ZRANB3: variants seen among roughly 807,000 people sequenced by gnomAD.
ZRANB3 encodes the protein zinc finger RANBP2-type containing 3.
A neutral mutation model predicts 133.8 loss-of-function variants in ZRANB3; 125 were observed. The ratio of observed to expected loss-of-function variants is 0.93; its 90% confidence interval spans 0.81 to 1.08. ZRANB3 has a LOEUF of 1.08. ZRANB3 is among the 50% of genes least tolerant of loss of function. The pLI is 0.00. For missense variants in ZRANB3, 1,229 were observed against 1,275.5 expected (o/e 0.96, Z 0.56); for synonymous variants, 387 against 432.7 (o/e 0.89, Z 1.31).
chr2:135,291,542 G>C (rs931964846), intron 8 of ZRANB3, among the ~76,000 whole-genome samples: 1 of 150,916 alleles, frequency 6.6e-6, no homozygotes, highest in African/African-American at 2.4e-5. Context: ...TGGAGGCTAT[G>C]TTCATTTTTA....
chr2:135,281,478 G>A (rs1339672295), intron 8 of ZRANB3, among the ~76,000 whole-genome samples: 1 of 151,842 alleles, frequency 6.6e-6, no homozygotes, highest in African/African-American at 2.4e-5. Flanking sequence ...GAGTCTGCTG[G>A]GGGTTTCAAA....
chr2:135,318,008 G>A (rs550063045), intron 6 of ZRANB3, among the ~76,000 whole-genome samples: 1 of 152,216 alleles, frequency 6.6e-6, no homozygotes, highest in South Asian at 2.1e-4. Context: ...GGTGCCACCT[G>A]TAAACCTTTA....
intron 8 of ZRANB3, among the ~76,000 whole-genome samples, chr2:135,294,194 C>CATA (rs1011881858): frequency 3.0e-4 from 46 of 152,248 alleles, no homozygotes; most frequent in African/African-American, 1.1e-3. Context: ...TTGTACCTCT[C>CATA]ATAGAATTTG....
chr2:135,402,296 T>TC (rs1491210581), intron 2 of ZRANB3, among the ~76,000 whole-genome samples: 2 of 83,022 alleles, frequency 2.4e-5, no homozygotes, highest in South Asian at 5.1e-4. Flanking sequence ...TCTTTCTCTC[T>TC]TTTTTTTTTT....
chr2:135,402,448 C>A (rs1239294238), intron 2 of ZRANB3, among the ~76,000 whole-genome samples: 1 of 152,026 alleles, frequency 6.6e-6, no homozygotes, highest in Non-Finnish European at 1.5e-5. Context: ...GAGCCCACCA[C>A]CACGTCCGGC....
At position 135,383,990 on chromosome 2, in the gene ZRANB3, G is replaced by A. The variant is rs190365854; in HGVS notation, c.180+6812C>T. On this transcript the variant is annotated intron_variant, in intron 3 of 20. Coordinates refer to ENST00000264159, the MANE Select transcript of ZRANB3 (RefSeq NM_032143.4). ...CTAGCAGAAGGCAAGAAATAACTAA[G>A]ATCAGAGCAGAACTGAAGGAGGTAG... Among the ~76,000 whole-genome samples, 283 of 152,198 alleles carry A rather than the reference G, an allele frequency of 1.9e-3. 1 individual carries two copies. Among genetic ancestry groups the A allele is most frequent in the Non-Finnish European group, 2.0e-3 (137 of 68,000 alleles).
At chr2:135,328,579 G>A (rs1297158604) in intron 6 of ZRANB3, among the ~76,000 whole-genome samples, 1 of 152,160 alleles carries the variant, frequency 6.6e-6, no homozygotes, top group Non-Finnish European at 1.5e-5. Context: ...TATATATCCA[G>A]AAATGGGATC....
At chr2:135,242,954 A>T (rs1459845528) in intron 12 of ZRANB3, among the ~76,000 whole-genome samples, 6 of 152,046 alleles carry the variant, frequency 3.9e-5, no homozygotes, top group Non-Finnish European at 8.8e-5. Flanking sequence ...TCTTCAGCTC[A>T]TTACATTGTC....
At chr2:135,252,041 C>T (rs1396816753) in intron 12 of ZRANB3, among the ~76,000 whole-genome samples, 1 of 152,090 alleles carries the variant, frequency 6.6e-6, no homozygotes, top group Non-Finnish European at 1.5e-5. Flanking sequence ...CTCAAAAAAA[C>T]AAAAGAAACA....
At chr2:135,441,789 GA>G (rs1485621871) in intron 2 of ZRANB3, among the ~76,000 whole-genome samples, 2 of 151,574 alleles carry the variant, frequency 1.3e-5, no homozygotes, top group Admixed American at 1.3e-4. Flanking sequence ...CAACAATTAA[GA>G]AAAAAAACTT....
rs1693437800 is a variant in ZRANB3 at position 135,197,025 on chromosome 2, A to G, written c.*3317T>C. 1 of 152,178 alleles carries G rather than the reference A, an allele frequency of 6.6e-6. No homozygotes were observed. Among genetic ancestry groups the G allele is most frequent in the Non-Finnish European group, 1.5e-5 (1 of 68,034 alleles). The allele number at this position is 152,178 out of a possible 1,614,324, so 9.4% of individuals were successfully genotyped here. On this transcript the variant is annotated 3_prime_UTR_variant, in exon 21 of 21. Coordinates refer to ENST00000264159, the MANE Select transcript of ZRANB3 (RefSeq NM_032143.4). ...GTGACATTTCTCAATGGTAATTATG[A>G]ACACAACCAGGGTGGCAAAAACACC...
Position 135,390,814 on chromosome 2 carries a change from C to G in ZRANB3, c.168G>C (p.Met56Ile). 1 of 1,500,508 alleles carries G rather than the reference C, an allele frequency of 6.7e-7. No individual in the cohort carries two copies. The highest frequency in any genetic ancestry group is 8.9e-7 in the Non-Finnish European group (1 of 1,126,488). The allele number at this position is 1,500,508 out of a possible 1,614,324, so 92.9% of individuals were successfully genotyped here. Residue 56 changes from methionine (M) to isoleucine (I), a missense_variant, in exon 3 of 21, where the codon ATG (methionine) becomes ATC (isoleucine). By Grantham distance (10) the Met-to-Ile change is conservative. Transcript: ENST00000264159. ...IFALKRNGRC[M>I]VADEMGLGKT... The stretch of plus-strand genomic sequence containing the variant: ...TTGAAACACTTACTTCATCAGCCAC[C>G]ATACACCTGGAAAAAAAAAAAAAAA...
intron 1 of ZRANB3, among the ~76,000 whole-genome samples, chr2:135,527,189 ACT>A (rs1694199362): frequency 6.6e-6 from 1 of 152,024 alleles, no homozygotes; most frequent in South Asian, 2.1e-4. Flanking sequence ...TTACAGTTTG[ACT>A]CTTTTTGTCG....
intron 8 of ZRANB3, among the ~76,000 whole-genome samples, chr2:135,312,369 C>T (rs187693887): frequency 9.9e-5 from 15 of 151,562 alleles, no homozygotes; most frequent in African/African-American, 3.4e-4. Context: ...ACCAACTATA[C>T]ATTTTAAAAG....
chr2:135,206,753 G>T (rs1383244980), intron 19 of ZRANB3, among the ~76,000 whole-genome samples: 1 of 142,456 alleles, frequency 7.0e-6, no homozygotes, highest in East Asian at 2.3e-4. Context: ...AGGGAGGGGG[G>T]AACAGGGGAG....
chr2:135,319,119 C>T (rs1683396767), intron 6 of ZRANB3, among the ~76,000 whole-genome samples: 1 of 152,012 alleles, frequency 6.6e-6, no homozygotes, highest in Non-Finnish European at 1.5e-5. Context: ...CAGAATTGGC[C>T]AGTAAAGATA....
chr2:135,379,829 A>G lies in ZRANB3; in HGVS notation c.180+10973T>C, dbSNP rs947162018. Among the ~76,000 whole-genome samples, 4 of 152,186 alleles carry G rather than the reference A, an allele frequency of 2.6e-5. 1 individual carries two copies. The highest frequency in any genetic ancestry group is 9.7e-5 in the African/African-American group (4 of 41,442). On this transcript the variant is annotated intron_variant, in intron 3 of 20. Coordinates refer to ENST00000264159, the MANE Select transcript of ZRANB3 (RefSeq NM_032143.4). Reference sequence around the variant, plus strand: ...ATAACAATATTAACCTTAAATGTAAATGGGCGAAATGTACCCATTAAAAGA... The same window carrying G: ...ATAACAATATTAACCTTAAATGTAAGTGGGCGAAATGTACCCATTAAAAGA...
intron 3 of ZRANB3, among the ~76,000 whole-genome samples, chr2:135,362,152 C>G (rs190240724): frequency 1.3e-5 from 2 of 149,978 alleles, no homozygotes; most frequent in Non-Finnish European, 3.0e-5. Context: ...GAGCTGAGAT[C>G]GCGCCACTGC....
intron 2 of ZRANB3, among the ~76,000 whole-genome samples, chr2:135,445,599 C>A (rs1235941410): frequency 6.6e-6 from 1 of 151,980 alleles, no homozygotes; most frequent in Non-Finnish European, 1.5e-5. Flanking sequence ...TGACAAGGGC[C>A]AGGTGCAGTG....
Sources: gnomAD v4.1 joint callset for allele counts (sites outside exome capture counted in the v4.1 genomes callset) on GRCh38, gnomAD v4.1.1 for gene constraint, MANE v1.5 for transcripts, NCBI Gene and HGNC (gene_info 2026-07-23, HGNC 2026-07-21) for gene names.